CRADD: variants seen among roughly 807,000 people sequenced by gnomAD.
The protein encoded by CRADD is death domain-containing protein CRADD.
Under a neutral mutation model 15.5 loss-of-function variants are expected in CRADD, and 9 were observed. That is an observed-to-expected ratio of 0.58 (90% CI 0.35 to 1.01). CRADD has a LOEUF of 1.01. Ranked by LOEUF, CRADD falls within the 50% of genes least tolerant of loss-of-function variation. The probability of loss-of-function intolerance (pLI) is 0.02; values close to 1 mark genes in which losing one functional copy is unlikely to be tolerated. For synonymous variants in CRADD, 118 were observed against 107.6 expected, an observed-to-expected ratio of 1.10 and a Z score of -0.60; for missense variants, 227 against 250.3, an observed-to-expected ratio of 0.91 and a Z score of 0.63.
downstream of CRADD, among the ~76,000 whole-genome samples, chr12:93,854,893 C>G (rs918259758): frequency 6.6e-6 from 1 of 152,148 alleles, no homozygotes; most frequent in Non-Finnish European, 1.5e-5. Context: ...TTTTTAAAAA[C>G]TTTTAAAAAA....
intron 2 of CRADD, among the ~76,000 whole-genome samples, chr12:93,800,016 C>T (rs1439124046): frequency 1.3e-5 from 2 of 152,064 alleles, no homozygotes; most frequent in Non-Finnish European, 2.9e-5. Context: ...GAGGAACAGA[C>T]TTGATAGTAG....
intron 2 of CRADD, among the ~76,000 whole-genome samples, chr12:93,808,019 G>T (rs1356229185): frequency 1.4e-5 from 2 of 146,636 alleles, no homozygotes; most frequent in East Asian, 4.0e-4. Context: ...GCAGGCTAAG[G>T]AACAGAGGTA....
intron 2 of CRADD, among the ~76,000 whole-genome samples, chr12:93,814,756 G>A (rs1957672152): frequency 6.6e-6 from 1 of 152,168 alleles, no homozygotes; most frequent in Non-Finnish European, 1.5e-5. Context: ...CATCTCAGAA[G>A]ACAAGTCATT....
intron 2 of CRADD, among the ~76,000 whole-genome samples, chr12:93,835,706 CACTT>C (rs1957965353): frequency 6.6e-6 from 1 of 152,140 alleles, no homozygotes; most frequent in African/African-American, 2.4e-5. Context: ...TGGTGTTTCT[CACTT>C]ATTAGTTTAT....
At chr12:93,851,522 A>G (rs1246397994), downstream of CRADD, among the ~76,000 whole-genome samples, 1 of 152,232 alleles carries the variant, frequency 6.6e-6, no homozygotes, top group East Asian at 1.9e-4. Flanking sequence ...ATGTCCGCCA[A>G]CAGCACATCC....
At chr12:93,888,056 C>G (rs1958550024) in intron 2 of CRADD, among the ~76,000 whole-genome samples, 1 of 152,094 alleles carries the variant, frequency 6.6e-6, no homozygotes, top group African/African-American at 2.4e-5. Context: ...GAGAAACATG[C>G]ACAAAGGAAT....
chr12:93,807,020 T>C (rs1957547195), intron 2 of CRADD, among the ~76,000 whole-genome samples: 1 of 152,110 alleles, frequency 6.6e-6, no homozygotes, highest in Non-Finnish European at 1.5e-5. Context: ...AGACAGAAAG[T>C]GCTAAGGCTT....
At chr12:93,785,446 C>T (rs1033561143) in intron 2 of CRADD, among the ~76,000 whole-genome samples, 5 of 152,148 alleles carry the variant, frequency 3.3e-5, no homozygotes, top group Non-Finnish European at 7.3e-5. Flanking sequence ...TTCCCGATCC[C>T]CTGGCCTATG....
intron 2 of CRADD, among the ~76,000 whole-genome samples, chr12:93,698,356 G>A (rs894759031): frequency 6.6e-6 from 1 of 152,202 alleles, no homozygotes; most frequent in African/African-American, 2.4e-5. Context: ...TTACGAGTAT[G>A]TGTGTGTTTA....
At chr12:93,776,431 G>A (rs576163453) in intron 2 of CRADD, among the ~76,000 whole-genome samples, 1 of 152,228 alleles carries the variant, frequency 6.6e-6, no homozygotes, top group East Asian at 1.9e-4. Context: ...AGATATTGGG[G>A]AATTGTCCTC....
At chr12:93,722,623 C>T (rs1956284151) in intron 2 of CRADD, among the ~76,000 whole-genome samples, 1 of 152,086 alleles carries the variant, frequency 6.6e-6, no homozygotes, top group South Asian at 2.1e-4. Context: ...TACTAATAAG[C>T]CTACCAAAGA....
chr12:93,841,057 A>T (rs569701855), intron 2 of CRADD, among the ~76,000 whole-genome samples: 32 of 152,238 alleles, frequency 2.1e-4, no homozygotes, highest in African/African-American at 7.7e-4. Context: ...TATGTGTCAA[A>T]CTTTATCAAA....
chr12:93,854,291 T>C (rs1029162754), downstream of CRADD, among the ~76,000 whole-genome samples: 4 of 152,202 alleles, frequency 2.6e-5, no homozygotes, highest in Admixed American at 6.5e-5. Context: ...AGTAGGCTAT[T>C]TCCTGGGGCA....
At chr12:93,805,922 G>T (rs1051223291) in intron 2 of CRADD, among the ~76,000 whole-genome samples, 1 of 152,170 alleles carries the variant, frequency 6.6e-6, no homozygotes, top group Non-Finnish European at 1.5e-5. Flanking sequence ...GCTGGGCAAA[G>T]TACAGCAAGT....
intron 2 of CRADD, among the ~76,000 whole-genome samples, chr12:93,777,128 C>T (rs1157380398): frequency 2.0e-5 from 3 of 152,100 alleles, no homozygotes; most frequent in Non-Finnish European, 2.9e-5. Context: ...TCTCACGGGC[C>T]TGTGGGTTGG....
At chr12:93,877,829 T>C (rs970787827) in intron 2 of CRADD, among the ~76,000 whole-genome samples, 1 of 152,308 alleles carries the variant, frequency 6.6e-6, no homozygotes, top group Non-Finnish European at 1.5e-5. Flanking sequence ...AAGAGCCTGC[T>C]TGGTGCTCTA....
intron 2 of CRADD, among the ~76,000 whole-genome samples, chr12:93,810,115 C>G (rs1400070941): frequency 2.6e-5 from 4 of 152,300 alleles, no homozygotes; most frequent in Middle Eastern, 3.4e-3. Context: ...TCTTCTTAAG[C>G]TATGTCTCCA....
intron 2 of CRADD, among the ~76,000 whole-genome samples, chr12:93,757,426 T>C (rs1565902874): frequency 6.6e-6 from 1 of 152,340 alleles, no homozygotes; most frequent in East Asian, 1.9e-4. Flanking sequence ...GCCAAGTTTA[T>C]TAGATTCATC....
At chr12:93,723,220 T>C (rs1224003954) in intron 2 of CRADD, among the ~76,000 whole-genome samples, 1 of 152,226 alleles carries the variant, frequency 6.6e-6, no homozygotes, top group Non-Finnish European at 1.5e-5. Context: ...AGACCATCTT[T>C]GTAAAACTGA....
Sources: gnomAD v4.1 joint callset for allele counts (sites outside exome capture counted in the v4.1 genomes callset) on GRCh38, gnomAD v4.1.1 for gene constraint, MANE v1.5 for transcripts, NCBI Gene and HGNC (gene_info 2026-07-23, HGNC 2026-07-21) for gene names.